NSMCE2: variants seen among roughly 807,000 people sequenced by gnomAD.
The protein encoded by NSMCE2 is E3 SUMO-protein ligase NSE2.
Under a neutral mutation model 23.8 loss-of-function variants are expected in NSMCE2, and 24 were observed. That is an observed-to-expected ratio of 1.01 (90% confidence interval 0.73 to 1.42). The LOEUF (loss-of-function observed/expected upper bound fraction) is 1.42, where lower values mean the gene tolerates loss of function less well. Among genes scored for constraint, NSMCE2 ranks in the 40% most tolerant of loss-of-function variants. The probability of loss-of-function intolerance (pLI) is 0.00; values close to 1 mark genes in which losing one functional copy is unlikely to be tolerated. For missense variants in NSMCE2, 284 were observed against 296.5 expected (o/e 0.96, Z 0.31); for synonymous variants, 92 against 94.1 (o/e 0.98, Z 0.13).
intron 5 of NSMCE2, among the ~76,000 whole-genome samples, chr8:125,281,160 G>T (rs573432956): frequency 6.6e-6 from 1 of 152,254 alleles, no homozygotes; most frequent in Non-Finnish European, 1.5e-5. Flanking sequence ...ACATGAGAAA[G>T]TTATAGCTAG....
chr8:125,102,176 C>A, intron 2 of NSMCE2, 30 bp downstream of exon 2: 1 of 629,418 alleles, frequency 1.6e-6, no homozygotes, highest in Non-Finnish European at 2.8e-6. Flanking sequence ...GGTGTCTTCT[C>A]TATAGGATAT....
At chr8:125,305,907 A>G (rs1362043290) in intron 5 of NSMCE2, among the ~76,000 whole-genome samples, 1 of 152,148 alleles carries the variant, frequency 6.6e-6, no homozygotes, top group Non-Finnish European at 1.5e-5. Context: ...AACAATAACA[A>G]TCAGTTGTAG....
intron 7 of NSMCE2, among the ~76,000 whole-genome samples, chr8:125,361,523 AACAAGCCATTC>A (rs1336925514): frequency 1.3e-5 from 2 of 152,182 alleles, no homozygotes; most frequent in African/African-American, 4.8e-5. Flanking sequence ...AACACTTACC[AACAAGCCATTC>A]AACCTTTCTG....
chr8:125,156,792 CT>C (rs1228960937), intron 4 of NSMCE2, among the ~76,000 whole-genome samples: 1 of 152,194 alleles, frequency 6.6e-6, no homozygotes, highest in African/African-American at 2.4e-5. Context: ...CATTATGCAA[CT>C]AGTTTTGACT....
chr8:125,214,341 A>G (rs1423357397), intron 5 of NSMCE2, among the ~76,000 whole-genome samples: 1 of 152,180 alleles, frequency 6.6e-6, no homozygotes, highest in Non-Finnish European at 1.5e-5. Flanking sequence ...GTAGCATCCA[A>G]GGCCCATGGG....
chr8:125,347,189 T>C (rs1008751917), intron 5 of NSMCE2, among the ~76,000 whole-genome samples: 3 of 152,218 alleles, frequency 2.0e-5, no homozygotes, highest in Non-Finnish European at 4.4e-5. Flanking sequence ...GCTGAGAAGA[T>C]TGAGACAAAG....
chr8:125,142,030 TAGAGAGCTA>T (rs955381886), intron 3 of NSMCE2, among the ~76,000 whole-genome samples: 2 of 152,126 alleles, frequency 1.3e-5, no homozygotes, highest in African/African-American at 4.8e-5. Flanking sequence ...AAAAACAACC[TAGAGAGCTA>T]AGAGAGCTAG....
chr8:125,121,598 C>T (rs1034555814), intron 3 of NSMCE2, among the ~76,000 whole-genome samples: 1 of 152,172 alleles, frequency 6.6e-6, no homozygotes, highest in African/African-American at 2.4e-5. Context: ...AATCAAGAAT[C>T]TGTGAATGTA....
intron 5 of NSMCE2, among the ~76,000 whole-genome samples, chr8:125,307,881 T>C (rs1828825365): frequency 6.6e-6 from 1 of 152,236 alleles, no homozygotes; most frequent in Admixed American, 6.5e-5. Flanking sequence ...TGTGTTCGGC[T>C]TGACCCACAT....
chr8:125,333,836 A>G (rs1047731791), intron 5 of NSMCE2, among the ~76,000 whole-genome samples: 13 of 152,094 alleles, frequency 8.5e-5, no homozygotes, highest in Non-Finnish European at 1.8e-4. Flanking sequence ...TGATACCACC[A>G]AGTTTGGAAC....
chr8:125,180,499 C>T (rs1381965599), intron 4 of NSMCE2, among the ~76,000 whole-genome samples: 2 of 152,176 alleles, frequency 1.3e-5, no homozygotes, highest in African/African-American at 2.4e-5. Context: ...TATGTCTTTT[C>T]TCTGTGACAA....
intron 4 of NSMCE2, among the ~76,000 whole-genome samples, chr8:125,171,439 C>A (rs1267540471): frequency 1.3e-5 from 2 of 152,138 alleles, no homozygotes; most frequent in African/African-American, 4.8e-5. Flanking sequence ...GCTCTTCAAC[C>A]CCTTGTAATT....
intron 5 of NSMCE2, among the ~76,000 whole-genome samples, chr8:125,250,228 G>A (rs1372539723): frequency 6.6e-6 from 1 of 152,098 alleles, no homozygotes; most frequent in East Asian, 1.9e-4. Flanking sequence ...GACCTTGGGT[G>A]ATCCGCCTGC....
chr8:125,273,931 G>A (rs1586703639), intron 5 of NSMCE2, among the ~76,000 whole-genome samples: 1 of 152,212 alleles, frequency 6.6e-6, no homozygotes, highest in Non-Finnish European at 1.5e-5. Flanking sequence ...GCTAGCAGGT[G>A]CCCAGGCTTT....
chr8:125,277,476 G>A (rs967555995), intron 5 of NSMCE2, among the ~76,000 whole-genome samples: 1 of 151,698 alleles, frequency 6.6e-6, no homozygotes, highest in African/African-American at 2.4e-5. Flanking sequence ...TTGCACAAAG[G>A]TAAAACCAAA....
intron 5 of NSMCE2, among the ~76,000 whole-genome samples, chr8:125,192,604 C>T (rs1306115911): frequency 6.6e-6 from 1 of 152,158 alleles, no homozygotes; most frequent in Non-Finnish European, 1.5e-5. Flanking sequence ...CATTTGAAAT[C>T]GAGCACAGTC....
At chr8:125,214,444 T>TG (rs1824486856) in intron 5 of NSMCE2, among the ~76,000 whole-genome samples, 2 of 152,272 alleles carry the variant, frequency 1.3e-5, no homozygotes, top group South Asian at 4.1e-4. Context: ...GGCTGAGTCA[T>TG]GGGGGCTCAC....
chr8:125,130,399 C>A, intron 3 of NSMCE2: 1 of 378,090 alleles, frequency 2.6e-6, no homozygotes, highest in South Asian at 2.0e-5. Flanking sequence ...TTTTTGGAAG[C>A]AAGTAGCTCG....
At chr8:125,167,268 A>G (rs768952718) in intron 4 of NSMCE2, among the ~76,000 whole-genome samples, 13 of 152,224 alleles carry the variant, frequency 8.5e-5, no homozygotes, top group Non-Finnish European at 1.3e-4. Context: ...CTCATTAGTT[A>G]GAAATTTGAT....
Sources: gnomAD v4.1 joint callset for allele counts (sites outside exome capture counted in the v4.1 genomes callset) on GRCh38, gnomAD v4.1.1 for gene constraint, MANE v1.5 for transcripts, NCBI Gene and HGNC (gene_info 2026-07-23, HGNC 2026-07-21) for gene names.